TNPO1: variants seen among roughly 807,000 people sequenced by gnomAD.
TNPO1 encodes transportin-1.
Under a neutral mutation model 119.5 loss-of-function variants are expected in TNPO1, and 8 were observed. The observed-to-expected ratio is 0.07, with a 90% confidence interval of 0.04 to 0.12. The LOEUF (loss-of-function observed/expected upper bound fraction) is 0.12. Ranked by LOEUF, TNPO1 falls within the 10% of genes least tolerant of loss-of-function variation. The pLI, the probability that TNPO1 is intolerant of heterozygous loss-of-function variation, is 1.00. For synonymous variants in TNPO1, 362 were observed against 363.0 expected (o/e 1.00, Z 0.03); for missense variants, 576 against 1,089.8 (o/e 0.53, Z 6.64).
At chr5:72,879,537 C>T (rs746819548) in intron 9 of TNPO1, among the ~76,000 whole-genome samples, 1 of 152,192 alleles carries the variant, frequency 6.6e-6, no homozygotes, top group Non-Finnish European at 1.5e-5. Flanking sequence ...GTCTTCCCTA[C>T]TACTGTGAGA....
At chr5:72,901,172 A>AAT in intron 22 of TNPO1, 99 bp downstream of exon 22, 1 of 695,740 alleles carries the variant, frequency 1.4e-6, no homozygotes, top group Non-Finnish European at 2.2e-6. Context: ...AACTATTTTC[A>AAT]AAGGTATCAA....
At chr5:72,891,629 A>T (rs1450804640) in intron 14 of TNPO1, among the ~76,000 whole-genome samples, 181 bp from the exon 15 acceptor site, 2 of 152,222 alleles carry the variant, frequency 1.3e-5, no homozygotes, top group Non-Finnish European at 2.9e-5. Flanking sequence ...GTAAGTATAA[A>T]GGTAGGCAAC....
chr5:72,880,221 G>A (rs1359383503), intron 9 of TNPO1, among the ~76,000 whole-genome samples: 1 of 152,046 alleles, frequency 6.6e-6, no homozygotes, highest in Non-Finnish European at 1.5e-5. Flanking sequence ...GTGTAACAAG[G>A]AGGATATTAA....
chr5:72,848,169 C>T (rs1299847825), intron 1 of TNPO1: 30 of 1,219,940 alleles, frequency 2.5e-5, no homozygotes, highest in Non-Finnish European at 3.1e-5. Flanking sequence ...GCGGCAGCAG[C>T]AGCAGACGCT....
At chr5:72,828,843 A>AT (rs994602447) in intron 1 of TNPO1, among the ~76,000 whole-genome samples, 2 of 152,182 alleles carry the variant, frequency 1.3e-5, no homozygotes, top group African/African-American at 2.4e-5. Context: ...TAATTTAAAA[A>AT]TTTCTAGATG....
intron 1 of TNPO1, among the ~76,000 whole-genome samples, chr5:72,824,734 C>G (rs1162551535): frequency 6.6e-6 from 1 of 152,158 alleles, no homozygotes; most frequent in Non-Finnish European, 1.5e-5. Context: ...TATTGGTAAT[C>G]TCATTTAGTC....
chr5:72,820,642 C>T lies in TNPO1; in HGVS notation c.15+3890C>T, dbSNP rs192936825. On this transcript the variant is annotated intron_variant, in intron 1 of 24. Coordinates refer to ENST00000337273, the MANE Select transcript of TNPO1 (RefSeq NM_002270.4). ...ACTTTGTCCAAGGGCTCAGAGCGTT[C>T]GAGCCTGAATCTGAATCTAGATCTG... Among the ~76,000 whole-genome samples the T allele has an allele frequency of 2.1e-3, 321 of 152,228 alleles. 2 individuals are homozygous for T. The highest frequency in any genetic ancestry group is 7.2e-3 in the African/African-American group (301 of 41,542).
intron 3 of TNPO1, among the ~76,000 whole-genome samples, chr5:72,852,905 A>G (rs1745689461): frequency 6.6e-6 from 1 of 152,234 alleles, no homozygotes; most frequent in Non-Finnish European, 1.5e-5. Context: ...GCTTCTTAAT[A>G]TAGAAATTTT....
intron 6 of TNPO1, among the ~76,000 whole-genome samples, chr5:72,870,743 T>G (rs1747327842): frequency 6.6e-6 from 1 of 152,202 alleles, no homozygotes; most frequent in South Asian, 2.1e-4. Context: ...TAGGTGCCTC[T>G]GGAGGTTGGG....
Position 72,891,666 on chromosome 5 carries a change from T to G in TNPO1, c.1702-144T>G, listed in dbSNP as rs116120546. ...GAAAGGAAAACTTTAAAAGGGACTG[T>G]GCAGAGTGAAGAATGACTCTTAAAA... On this transcript the variant is annotated intron_variant, in intron 14 of 24. Coordinates refer to ENST00000337273, the MANE Select transcript of TNPO1 (RefSeq NM_002270.4). The G allele has an allele frequency of 4.1e-3, 2,513 of 608,142 alleles. 11 individuals carry two copies. Among genetic ancestry groups the G allele is most frequent in the Admixed American group, 6.7e-3 (235 of 35,276 alleles). The allele number at this position is 608,142 out of a possible 1,614,324, so 37.7% of individuals were successfully genotyped here.
chr5:72,877,797 A>T (rs1037142688), intron 9 of TNPO1, among the ~76,000 whole-genome samples: 9 of 152,140 alleles, frequency 5.9e-5, no homozygotes, highest in Non-Finnish European at 1.2e-4. Context: ...TAAATTGCAG[A>T]AAATTTTATA....
chr5:72,885,609 T>C (rs1748562763), intron 11 of TNPO1, among the ~76,000 whole-genome samples: 1 of 152,216 alleles, frequency 6.6e-6, no homozygotes, highest in South Asian at 2.1e-4. Flanking sequence ...ACATACAGAT[T>C]TAGATTTCCT....
intron 1 of TNPO1, among the ~76,000 whole-genome samples, chr5:72,831,189 A>G (rs1003319329): frequency 6.6e-6 from 1 of 152,070 alleles, no homozygotes; most frequent in Non-Finnish European, 1.5e-5. Flanking sequence ...AGTCTGTAGA[A>G]CTTATTTCTG....
intron 4 of TNPO1, among the ~76,000 whole-genome samples, chr5:72,861,389 T>TA (rs1237206883): frequency 7.2e-5 from 11 of 152,124 alleles, no homozygotes; most frequent in Non-Finnish European, 2.9e-5. Flanking sequence ...GGAATGGTGA[T>TA]ATGGGTGTTG....
intron 18 of TNPO1, 116 bp downstream of exon 18, chr5:72,893,819 A>C (rs1449834125): frequency 5.1e-6 from 5 of 971,336 alleles, no homozygotes; most frequent in Non-Finnish European, 7.8e-6. Flanking sequence ...ATAAATGTAC[A>C]CTTTATTGGT....
At chr5:72,856,458 C>T (rs1746005498) in intron 4 of TNPO1, among the ~76,000 whole-genome samples, 2 of 152,142 alleles carry the variant, frequency 1.3e-5, no homozygotes, top group African/African-American at 4.8e-5. Context: ...GTCTATAACT[C>T]CTGACCTCAG....
At position 72,887,239 on chromosome 5, in the gene TNPO1, T is replaced by G; in HGVS notation, c.1303+17T>G. The G allele has an allele frequency of 8.4e-7, 1 of 1,187,262 alleles. No individual in the cohort carries two copies. Among genetic ancestry groups the G allele is most frequent in the Non-Finnish European group, 1.2e-6 (1 of 863,798 alleles). The allele number at this position is 1,187,262 out of a possible 1,614,324, so 73.5% of individuals were successfully genotyped here. A position where few individuals can be genotyped will look rare whatever the true frequency, so the allele number is the denominator to read the frequency against. On this transcript the variant is annotated intron_variant, in intron 12 of 24. Transcript: ENST00000337273. ...TTGCTGAAGGTAAGCCTAAGTCCAGTTTGAATTATGTAAGTTGGCTTCTTA... is the reference window on the plus strand; with the variant it reads ...TTGCTGAAGGTAAGCCTAAGTCCAGGTTGAATTATGTAAGTTGGCTTCTTA...
chr5:72,844,306 T>C (rs1463306664), intron 1 of TNPO1, among the ~76,000 whole-genome samples: 2 of 152,180 alleles, frequency 1.3e-5, no homozygotes, highest in Non-Finnish European at 2.9e-5. Flanking sequence ...TCAATCATAG[T>C]GCCAAGAAAG....
At chr5:72,898,580 A>G (rs1360943290) in intron 20 of TNPO1, among the ~76,000 whole-genome samples, 2 of 152,122 alleles carry the variant, frequency 1.3e-5, no homozygotes, top group South Asian at 4.1e-4. Flanking sequence ...TCAATGGCTA[A>G]TATCTAGATT....
Sources: gnomAD v4.1 joint callset for allele counts (sites outside exome capture counted in the v4.1 genomes callset) on GRCh38, gnomAD v4.1.1 for gene constraint, MANE v1.5 for transcripts, NCBI Gene and HGNC (gene_info 2026-07-23, HGNC 2026-07-21) for gene names.